The following SYN3 variants were observed in gnomAD, a reference collection of about 807,000 sequenced individuals.
SYN3 encodes the protein synapsin-3.
Under a neutral mutation model 65.8 loss-of-function variants are expected in SYN3, and 35 were observed. The observed-to-expected ratio is 0.53, with a 90% CI of 0.41 to 0.70. The LOEUF (loss-of-function observed/expected upper bound fraction) is 0.70. Ranked by LOEUF, SYN3 falls within the 30% of genes least tolerant of loss-of-function variation. The pLI is 0.00. For synonymous variants in SYN3, 270 were observed against 292.9 expected, an observed-to-expected ratio of 0.92 and a Z score of 0.80; for missense variants, 680 against 749.0, an observed-to-expected ratio of 0.91 and a Z score of 1.08.
intron 6 of SYN3, among the ~76,000 whole-genome samples, chr22:32,738,990 C>T (rs1396175972): frequency 6.6e-6 from 1 of 152,228 alleles, no homozygotes; most frequent in African/African-American, 2.4e-5. Context: ...TATTTTCTTT[C>T]CCATCTGCTC....
intron 6 of SYN3, among the ~76,000 whole-genome samples, chr22:32,800,013 G>A (rs996868646): frequency 6.6e-6 from 1 of 152,090 alleles, no homozygotes; most frequent in African/African-American, 2.4e-5. Flanking sequence ...TGGGTGGAGG[G>A]GACAAGTCAA....
intron 4 of SYN3, among the ~76,000 whole-genome samples, chr22:32,911,321 G>GC (rs1341953193): frequency 6.6e-6 from 1 of 152,166 alleles, no homozygotes; most frequent in Non-Finnish European, 1.5e-5. Context: ...AAGGGCAGGG[G>GC]CAGCCCCAAG....
intron 3 of SYN3, among the ~76,000 whole-genome samples, chr22:32,956,113 C>CCA (rs2051452648): frequency 7.0e-6 from 1 of 142,428 alleles, no homozygotes; most frequent in African/African-American, 2.7e-5. Context: ...CCGCCCCCCC[C>CCA]AAAAAATGTT....
chr22:32,844,191 G>C (rs1357267562), intron 6 of SYN3, among the ~76,000 whole-genome samples: 1 of 152,192 alleles, frequency 6.6e-6, no homozygotes, highest in Admixed American at 6.5e-5. Flanking sequence ...GGATTTGGTT[G>C]ACAATGGTTG....
chr22:32,581,870 C>T (rs1027777735), intron 7 of SYN3, among the ~76,000 whole-genome samples: 4 of 143,974 alleles, frequency 2.8e-5, no homozygotes, highest in Non-Finnish European at 6.0e-5. Flanking sequence ...GATGACAGCT[C>T]ACTGCAACCT....
At chr22:32,609,724 T>C (rs2059416476) in intron 6 of SYN3, among the ~76,000 whole-genome samples, 1 of 151,980 alleles carries the variant, frequency 6.6e-6, no homozygotes, top group African/African-American at 2.4e-5. Context: ...ACTCCTAGCC[T>C]AAAGCAACCC....
chr22:32,831,854 C>G (rs542949529), intron 6 of SYN3, among the ~76,000 whole-genome samples: 2 of 152,126 alleles, frequency 1.3e-5, no homozygotes, highest in Admixed American at 6.5e-5. Flanking sequence ...TGCACCCCCC[C>G]CAACCTCCAC....
intron 6 of SYN3, among the ~76,000 whole-genome samples, chr22:32,632,689 G>A (rs562740549): frequency 2.6e-5 from 4 of 152,276 alleles, no homozygotes; most frequent in Non-Finnish European, 2.9e-5. Context: ...CAGCTGTTTG[G>A]CAATCATCCT....
At chr22:32,816,150 T>G (rs1485841396) in intron 6 of SYN3, among the ~76,000 whole-genome samples, 1 of 152,124 alleles carries the variant, frequency 6.6e-6, no homozygotes, top group Non-Finnish European at 1.5e-5. Flanking sequence ...CATTCCGCCT[T>G]CCCAGTTGGG....
chr22:32,984,442 G>T (rs962462829), intron 2 of SYN3, among the ~76,000 whole-genome samples: 1 of 152,136 alleles, frequency 6.6e-6, no homozygotes, highest in Non-Finnish European at 1.5e-5. Flanking sequence ...CCCAGACCAC[G>T]TGGCCAAGCT....
intron 6 of SYN3, among the ~76,000 whole-genome samples, chr22:32,630,664 C>T (rs149831109): frequency 3.8e-4 from 58 of 152,300 alleles, no homozygotes; most frequent in African/African-American, 1.1e-3. Context: ...TGTTTATATA[C>T]GTGCACAGCT....
intron 2 of SYN3, among the ~76,000 whole-genome samples, chr22:32,990,289 A>AATCCATCCATGAATCCATCCATCC (rs1569384086): frequency 7.4e-4 from 103 of 139,988 alleles, no homozygotes; most frequent in Middle Eastern, 3.7e-3. Context: ...TCCATCCATG[A>AATCCATCCATGAATCCATCCATCC]ATCCATCCAT....
At chr22:33,050,026 T>G (rs949552260) in intron 1 of SYN3, among the ~76,000 whole-genome samples, 1 of 150,708 alleles carries the variant, frequency 6.6e-6, no homozygotes, top group African/African-American at 2.5e-5. Flanking sequence ...AATGAATGAG[T>G]GTTGTTGTTT....
chr22:33,009,751 AACACACACACACACACACACACACACAC>A (rs58156623), intron 1 of SYN3, among the ~76,000 whole-genome samples: 2 of 141,206 alleles, frequency 1.4e-5, no homozygotes, highest in Non-Finnish European at 3.1e-5. Flanking sequence ...TACGTATCTA[AACACACACACACACACACACACACACAC>A]ACACACACAC....
At chr22:32,926,296 G>C (rs777673215) in intron 4 of SYN3, among the ~76,000 whole-genome samples, 1 of 152,168 alleles carries the variant, frequency 6.6e-6, no homozygotes, top group Non-Finnish European at 1.5e-5. Flanking sequence ...TATAGTACTT[G>C]TGTGCAAAAT....
chr22:32,824,400 G>A (rs1337828032), intron 6 of SYN3, among the ~76,000 whole-genome samples: 3 of 151,524 alleles, frequency 2.0e-5, no homozygotes, highest in South Asian at 2.1e-4. Flanking sequence ...GAGCAGCTGA[G>A]ATGCTTTTAG....
intron 9 of SYN3, 83 bp downstream of exon 9, chr22:32,537,953 T>G: frequency 7.6e-7 from 1 of 1,315,294 alleles, no homozygotes; most frequent in Non-Finnish European, 1.1e-6. Context: ...CGGAGTGGCC[T>G]TCTCTTCAGG....
chr22:32,757,667 G>A (rs1372522558), intron 6 of SYN3, among the ~76,000 whole-genome samples: 1 of 152,138 alleles, frequency 6.6e-6, no homozygotes, highest in African/African-American at 2.4e-5. Flanking sequence ...GATCGACCCC[G>A]ACTATCAAGA....
chr22:32,994,110 GGT>G (rs2052807284), intron 2 of SYN3, among the ~76,000 whole-genome samples: 1 of 151,996 alleles, frequency 6.6e-6, no homozygotes, highest in Non-Finnish European at 1.5e-5. Context: ...CACGGAGAGG[GGT>G]CAGCACTTGA....
Sources: allele counts gnomAD v4.1 joint callset (sites outside exome capture counted in the v4.1 genomes callset), GRCh38; gene constraint gnomAD v4.1.1; transcripts MANE v1.5; gene names NCBI Gene and HGNC (gene_info 2026-07-23, HGNC 2026-07-21).